Variants in LRRC27 observed in about 807,000 individuals in gnomAD.
LRRC27 encodes the protein leucine rich repeat containing 27.
In LRRC27, 57 loss-of-function variants were observed where a neutral mutation model predicts 55.0. That is an observed-to-expected ratio of 1.04 (90% CI 0.84 to 1.29). LRRC27 has a LOEUF of 1.29. Among genes scored for constraint, LRRC27 ranks in the 50% most tolerant of loss-of-function variants. The pLI is 0.00. For missense variants in LRRC27, 721 were observed against 651.5 expected (o/e 1.11, Z -1.16); for synonymous variants, 278 against 251.9 (o/e 1.10, Z -0.98).
intron 2 of LRRC27, among the ~76,000 whole-genome samples, chr10:132,335,580 G>T (rs12774701): frequency 1.3e-5 from 2 of 148,430 alleles, no homozygotes; most frequent in African/African-American, 2.5e-5. Flanking sequence ...TACTATGGGG[G>T]GGGTCACAGT....
Position 132,348,084 on chromosome 10 carries a change from G to A in LRRC27, c.654G>A (p.Gln218=). 1 of 1,614,146 alleles carries A rather than the reference G, an allele frequency of 6.2e-7. No individual in the cohort carries two copies. Among genetic ancestry groups the A allele is most frequent in the Non-Finnish European group, 8.5e-7 (1 of 1,180,048 alleles). The part of the protein sequence containing the change: ...HASNQGAVNA[Q]DPEGAVMKEK... The stretch of plus-strand genomic sequence containing the variant: ...CTAACCAAGGAGCTGTGAACGCTCA[G>A]GACCCAGAGGGGGCTGTGATGAAAG... The change falls in exon 6 of 11, where the codon CAG becomes CAA. Residue 218 remains glutamine (Q), a synonymous_variant. Transcript: ENST00000368614. This position sits in a 1 kb window ranked among gnomAD's most constrained non-coding sequence, Gnocchi z 4.2.
chr10:132,375,229 G>A lies in LRRC27; in HGVS notation c.1580G>A (p.Arg527His), dbSNP rs529563725. 17 of 1,612,684 alleles carry A rather than the reference G, an allele frequency of 1.1e-5. No homozygotes were observed. The East Asian group carries it at 1.1e-4, about 11-fold the overall frequency. ...NTKYGESGNV[R>H]RYQ ...AAATATGGAGAATCAGGAAATGTTC[G>A]CAGATACCAGTGACACCAGGTGGCT... Residue 527 changes from arginine (R) to histidine (H), a missense_variant, in exon 11 of 11, where the codon CGC becomes CAC. Physicochemically the swap from Arg to His is conservative, Grantham distance 29 (BLOSUM62 0). Transcript: ENST00000368614.
chr10:132,362,964 C>T lies in LRRC27; in HGVS notation c.1289+1389C>T, dbSNP rs552368829. On this transcript the variant is annotated intron_variant, in intron 9 of 10. Transcript: ENST00000368614. ...TCTCACCTCACACCAGCTCGGGGGT[C>T]CAGGGCTCACCCTTCTCACCTCACA... Among the ~76,000 whole-genome samples the T allele has an allele frequency of 2.4e-4, 29 of 119,676 alleles. 3 individuals are homozygous for T. The South Asian group carries it at 8.2e-3, about 34-fold the overall frequency. 78.5% of individuals were successfully genotyped at this position (119,676 alleles called of 152,430 possible).
Position 132,348,971 on chromosome 10 carries a change from T to G in LRRC27, c.926+615T>G. Reference sequence around the variant, plus strand: ...TTTCCTTTCACACCCAGGACAAGGGTCCCTAGGAAACAGGCTCTGCAGAGA... The same window carrying G: ...TTTCCTTTCACACCCAGGACAAGGGGCCCTAGGAAACAGGCTCTGCAGAGA... On this transcript the variant is annotated intron_variant, in intron 6 of 10. Coordinates refer to ENST00000368614, the MANE Select transcript of LRRC27 (RefSeq NM_030626.3). The surrounding 1 kb of genome is among the most constrained non-coding windows in gnomAD (Gnocchi z 4.2). 1.2e-6 allele frequency: 2 copies of G among 1,606,232 alleles called. No homozygotes were observed. The highest frequency in any genetic ancestry group is 1.7e-6 in the Non-Finnish European group (2 of 1,176,174).
intron 8 of LRRC27, among the ~76,000 whole-genome samples, chr10:132,360,798 A>T (rs994920790): frequency 3.8e-4 from 57 of 151,940 alleles, no homozygotes; most frequent in Non-Finnish European, 7.4e-5. Context: ...CTTCTCTCCC[A>T]CTCTGTTGCC....
chr10:132,364,566 C>CACACTTACATCT lies in LRRC27; in HGVS notation c.1290-856_1290-855insACTTACATCTAC, dbSNP rs1564854092. 5.2e-5 allele frequency among the ~76,000 whole-genome samples: 5 copies of CACACTTACATCT among 96,148 alleles called. 1 individual carries two copies. The highest frequency in any genetic ancestry group is 9.9e-5 in the Admixed American group (1 of 10,150). 63.1% of individuals were successfully genotyped at this position (96,148 alleles called of 152,430 possible). On this transcript the variant is annotated intron_variant, in intron 9 of 10. Coordinates refer to ENST00000368614, the MANE Select transcript of LRRC27 (RefSeq NM_030626.3). ...CTACCTCCACACCCACACTTACACC[C>CACACTTACATCT]ACGTCCACACCCTGGGGCCCCACAC...
At chr10:132,332,366 G>A (rs1330247207) in intron 1 of LRRC27, 110 bp downstream of exon 1, 1 of 152,356 alleles carries the variant, frequency 6.6e-6, no homozygotes, top group Non-Finnish European at 1.5e-5. Context: ...CCGCGATGCT[G>A]ACCGCAAAGG....
At chr10:132,336,139 GTTA>G (rs879532773) in intron 2 of LRRC27, among the ~76,000 whole-genome samples, 9 of 152,172 alleles carry the variant, frequency 5.9e-5, no homozygotes, top group Admixed American at 4.6e-4. Context: ...GAAGAAGAGT[GTTA>G]TCTTTCTGAG....
chr10:132,332,830 C>T (rs562109016), intron 1 of LRRC27, among the ~76,000 whole-genome samples: 2 of 152,206 alleles, frequency 1.3e-5, no homozygotes, highest in East Asian at 3.9e-4. Context: ...TGAACTGATG[C>T]ATTCCAACGT....
In LRRC27 at chr10:132,378,320, C is replaced by A. The variant is rs184984664; in HGVS notation, c.*3078C>A. ...GTGCCTGGATGTAATTTTCTTTTTA[C>A]GTATTTTTCTTGGAATATACAGAAC... On this transcript the variant is annotated 3_prime_UTR_variant, in exon 11 of 11. Transcript: ENST00000368614. 5.3e-5 allele frequency: 8 copies of A among 151,746 alleles called. No homozygotes were observed. In the East Asian group the frequency reaches 1.5e-3, roughly 29 times the overall value. 9.4% of individuals were successfully genotyped at this position (151,746 alleles called of 1,614,324 possible).
chr10:132,358,358 A>G (rs2068409662), intron 8 of LRRC27, among the ~76,000 whole-genome samples: 1 of 100,378 alleles, frequency 1.0e-5, no homozygotes, highest in African/African-American at 3.8e-5. Flanking sequence ...GAGGTGGTGG[A>G]GCAGCGTGGG....
rs368104812 is a variant in LRRC27, at chr10:132,357,655, G to A, written c.1170+1769G>A. On this transcript the variant is annotated intron_variant, in intron 8 of 10. Transcript: ENST00000368614. ...GGGCTGTGGCTCTGGGGAGGGGGGCGCAGAGGAGGGGTCGATGCTGCCACA... is the reference window on the plus strand; with the variant it reads ...GGGCTGTGGCTCTGGGGAGGGGGGCACAGAGGAGGGGTCGATGCTGCCACA... Among the ~76,000 whole-genome samples, 44 of 152,298 alleles carry A rather than the reference G, an allele frequency of 2.9e-4. No individual in the cohort carries two copies. In the South Asian group the frequency reaches 4.6e-3, roughly 16 times the overall value.
rs11335497 is a variant in LRRC27, at chr10:132,374,131, AT to A, written c.1417-933del. Among the ~76,000 whole-genome samples, 352 of 106,660 alleles carry A rather than the reference AT, an allele frequency of 3.3e-3. 13 individuals carry two copies. Among genetic ancestry groups the A allele is most frequent in the African/African-American group, 0.011 (225 of 20,738 alleles). The allele number at this position is 106,660 out of a possible 152,430, so 70.0% of individuals were successfully genotyped here. A position where few individuals can be genotyped will look rare whatever the true frequency, so the allele number is the denominator to read the frequency against. The stretch of plus-strand genomic sequence containing the variant: ...GCAGTGGCTCCAGGGACCTGCTGTG[AT>A]TATGGCTGCATGGTGAGGGGGTGCA... On this transcript the variant is annotated intron_variant, in intron 10 of 10. Transcript: ENST00000368614. This position sits in a 1 kb window ranked among gnomAD's most constrained non-coding sequence, Gnocchi z 4.4.
intron 2 of LRRC27, 146 bp from the exon 3 acceptor site, chr10:132,337,419 A>G: frequency 7.0e-7 from 1 of 1,422,504 alleles, no homozygotes; most frequent in South Asian, 1.6e-5. Flanking sequence ...ACATCTTTTA[A>G]GGGTAAGAGA....
intron 2 of LRRC27, among the ~76,000 whole-genome samples, chr10:132,334,072 T>C (rs373979145): frequency 1.2e-4 from 18 of 152,362 alleles, no homozygotes; most frequent in African/African-American, 4.3e-4. Flanking sequence ...TCAGGCAACA[T>C]GAGCAGTTAA....
At chr10:132,337,291 A>C in intron 2 of LRRC27, 1 of 1,258,282 alleles carries the variant, frequency 7.9e-7, no homozygotes, top group Non-Finnish European at 1.0e-6. Flanking sequence ...TTGGGATAGA[A>C]ACAGTGGTGT....
chr10:132,336,548 T>C (rs1487213338), intron 2 of LRRC27, among the ~76,000 whole-genome samples: 1 of 152,248 alleles, frequency 6.6e-6, no homozygotes, highest in South Asian at 2.1e-4. Context: ...GGGAGGCATG[T>C]GGTGCTCTGT....
At chr10:132,367,614 T>C (rs909241151) in intron 10 of LRRC27, among the ~76,000 whole-genome samples, 6 of 152,222 alleles carry the variant, frequency 3.9e-5, no homozygotes, top group African/African-American at 1.4e-4. Flanking sequence ...GAAAAATCAG[T>C]TGGTTTTATC....
Position 132,332,225 on chromosome 10 carries a change from C to T in LRRC27, c.-80C>T, listed in dbSNP as rs1176508020. On this transcript the variant is annotated 5_prime_UTR_variant, in exon 1 of 11. Transcript: ENST00000368614. ...GGCTGCTGCTCTCAGCGGCGGGGCT[C>T]GCCAGCGCTTCAGTGGGCGGGGACG... The T allele has an allele frequency of 6.5e-6, 1 of 153,750 alleles. No homozygotes were observed. Among genetic ancestry groups the T allele is most frequent in the Non-Finnish European group, 1.4e-5 (1 of 69,114 alleles). 9.5% of individuals were successfully genotyped at this position (153,750 alleles called of 1,614,324 possible). A position where few individuals can be genotyped will look rare whatever the true frequency, so the allele number is the denominator to read the frequency against.
Sources: allele counts gnomAD v4.1 joint callset (sites outside exome capture counted in the v4.1 genomes callset), GRCh38; gene constraint gnomAD v4.1.1; non-coding constraint Gnocchi (gnomAD v3.1); transcripts MANE v1.5; gene names NCBI Gene and HGNC (gene_info 2026-07-23, HGNC 2026-07-21).